Variants in USP24 observed in about 807,000 individuals in gnomAD.
USP24 encodes the protein ubiquitin specific peptidase 24, also known as ubiquitin carboxyl-terminal hydrolase 24.
In USP24, 97 loss-of-function variants were observed where a neutral mutation model predicts 361.6. The ratio of observed to expected loss-of-function variants is 0.27; its 90% confidence interval spans 0.23 to 0.32. The LOEUF (loss-of-function observed/expected upper bound fraction) is 0.32, where lower values mean the gene tolerates loss of function less well. Among genes scored for constraint, USP24 ranks in the 10% least tolerant of loss-of-function variants. The probability of loss-of-function intolerance (pLI) is 1.00; values close to 1 mark genes in which losing one functional copy is unlikely to be tolerated. For missense variants in USP24, 2,353 were observed against 3,165.6 expected, an observed-to-expected ratio of 0.74 and a Z score of 6.16; for synonymous variants, 1,098 against 1,124.6, an observed-to-expected ratio of 0.98 and a Z score of 0.47.
chr1:55,198,153 AT>A (rs35785163), intron 1 of USP24, among the ~76,000 whole-genome samples: 126,063 of 150,798 alleles, frequency 0.84, 55,076 homozygotes, highest in Middle Eastern at 0.97. Context: ...ATTAAAAATA[AT>A]TTTTTTTTTT....
Position 55,094,140 on chromosome 1 carries a change from G to GTATAAAGTGGCT in USP24, c.6204-54_6204-53insAGCCACTTTATA, listed in dbSNP as rs1570385658. The stretch of plus-strand genomic sequence containing the variant: ...CTAGTATAAAGTGGCTATTTTTTCA[G>GTATAAAGTGGCT]TAGTTACTAAGACTTGCCAAATTCA... On this transcript the variant is annotated intron_variant, in intron 51 of 67. Transcript: ENST00000294383. 49 of 1,545,402 alleles carry GTATAAAGTGGCT rather than the reference G, an allele frequency of 3.2e-5. No individual in the cohort carries two copies. The East Asian group carries it at 1.1e-3, about 35-fold the overall frequency.
intron 1 of USP24, among the ~76,000 whole-genome samples, chr1:55,178,484 C>T (rs767510871): frequency 2.2e-4 from 33 of 151,800 alleles, no homozygotes; most frequent in Non-Finnish European, 3.2e-4. Context: ...GTGGCTAACA[C>T]GGTGAAACCC....
intron 38 of USP24, among the ~76,000 whole-genome samples, chr1:55,111,615 T>A (rs1217040149): frequency 6.6e-6 from 1 of 152,142 alleles, no homozygotes; most frequent in Non-Finnish European, 1.5e-5. Flanking sequence ...TTAATTCACA[T>A]GTTTACTGGG....
chr1:55,085,190 G>A (rs1378826317), intron 56 of USP24, among the ~76,000 whole-genome samples: 2 of 152,028 alleles, frequency 1.3e-5, no homozygotes, highest in Non-Finnish European at 2.9e-5. Flanking sequence ...CAGTCTTTGA[G>A]GACCTTCCTA....
intron 54 of USP24, among the ~76,000 whole-genome samples, chr1:55,090,866 C>A (rs1231078771): frequency 3.3e-5 from 5 of 152,218 alleles, no homozygotes; most frequent in African/African-American, 1.2e-4. Flanking sequence ...AGGCGAATCA[C>A]CTGAGGCTGG....
chr1:55,162,550 A>G (rs1648401741), intron 7 of USP24, among the ~76,000 whole-genome samples: 1 of 152,188 alleles, frequency 6.6e-6, no homozygotes, highest in Non-Finnish European at 1.5e-5. Context: ...GTAGAATACT[A>G]TACATTTTTT....
intron 32 of USP24, among the ~76,000 whole-genome samples, chr1:55,126,329 G>A (rs575565462): frequency 2.0e-5 from 3 of 152,132 alleles, no homozygotes; most frequent in Non-Finnish European, 4.4e-5. Context: ...TCTCCTTCAG[G>A]TCTTTGCTAG....
At chr1:55,175,107 C>T (rs929429181) in intron 3 of USP24, among the ~76,000 whole-genome samples, 1 of 150,310 alleles carries the variant, frequency 6.7e-6, no homozygotes, top group African/African-American at 2.4e-5. Context: ...ACTTTTGCTT[C>T]TAAAATTAAT....
chr1:55,168,746 ATATGGCTT>A (rs1413945268), intron 5 of USP24, among the ~76,000 whole-genome samples: 16 of 152,212 alleles, frequency 1.1e-4, no homozygotes, highest in African/African-American at 3.6e-4. Flanking sequence ...AATTGCCCTC[ATATGGCTT>A]TACTGCTCAA....
At chr1:55,091,525 A>G (rs1252950684) in intron 54 of USP24, among the ~76,000 whole-genome samples, 2 of 152,164 alleles carry the variant, frequency 1.3e-5, no homozygotes, top group African/African-American at 2.4e-5. Context: ...ACACAGCCCA[A>G]ACTCCCTGCT....
intron 31 of USP24, 41 bp from the exon 32 acceptor site, chr1:55,129,615 C>A (rs1318057232): frequency 1.3e-6 from 2 of 1,533,744 alleles, no homozygotes; most frequent in East Asian, 2.3e-5. Context: ...CACACATTTT[C>A]AGCAGAAATT....
intron 1 of USP24, 113 bp downstream of exon 1, chr1:55,214,677 A>C: frequency 1.1e-6 from 1 of 915,206 alleles, no homozygotes; most frequent in Non-Finnish European, 1.4e-6. Flanking sequence ...CGCCCCCACT[A>C]AAGCCCCAGT....
chr1:55,095,532 A>C, intron 50 of USP24, 136 bp from the exon 51 acceptor site: 1 of 948,110 alleles, frequency 1.1e-6, no homozygotes, highest in South Asian at 1.8e-5. Context: ...TATAAGTAAA[A>C]TGTGAGTGTC....
chr1:55,075,643 A>G, intron 62 of USP24, 120 bp from the exon 63 acceptor site: 1 of 485,854 alleles, frequency 2.1e-6, no homozygotes, highest in South Asian at 2.2e-5. Context: ...CAACAACAAC[A>G]ACAACAACAA....
At chr1:55,097,443 C>T (rs148019843) in intron 48 of USP24, among the ~76,000 whole-genome samples, 155 bp downstream of exon 48, 423 of 152,100 alleles carry the variant, frequency 2.8e-3, no homozygotes, top group Middle Eastern at 0.01. Context: ...CTGCCTATTC[C>T]GGTAACAGCA....
chr1:55,129,645 C>T, intron 31 of USP24, 71 bp from the exon 32 acceptor site: 1 of 1,232,770 alleles, frequency 8.1e-7, no homozygotes, highest in South Asian at 1.3e-5. Flanking sequence ...CTAAATAAAA[C>T]ATTCAGACAA....
intron 1 of USP24, among the ~76,000 whole-genome samples, chr1:55,201,260 G>C (rs1031792928): frequency 2.7e-4 from 41 of 152,260 alleles, no homozygotes; most frequent in Admixed American, 2.7e-3. Context: ...CCTGTGTCAA[G>C]TGTTTCCTGG....
Position 55,103,861 on chromosome 1 carries a change from G to C in USP24, c.5025+15C>G. 6.2e-7 allele frequency: 1 copy of C among 1,602,078 alleles called. No individual in the cohort carries two copies. On this transcript the variant is annotated intron_variant, in intron 42 of 67. Transcript: ENST00000294383. ...TTCTAAAAAAATTAAGTTCATCAAC[G>C]TCTAGAAAACCTACATCAAACTCCT... is the stretch of plus-strand genomic sequence containing the variant.
At position 55,069,127 on chromosome 1, in the gene USP24, G is replaced by A. The variant is rs1464318206; in HGVS notation, c.7801-20C>T. On this transcript the variant is annotated intron_variant, in intron 67 of 67. Transcript: ENST00000294383. ...TGAACCCTGCAGAAAAGAAAAGGAA[G>A]TTAAAGTTCATACGGTTAGAGAAAA... 1.9e-6 allele frequency: 3 copies of A among 1,613,648 alleles called. No individual in the cohort carries two copies.
Sources: allele counts gnomAD v4.1 joint callset (sites outside exome capture counted in the v4.1 genomes callset), GRCh38; gene constraint gnomAD v4.1.1; transcripts MANE v1.5; gene names NCBI Gene and HGNC (gene_info 2026-07-23, HGNC 2026-07-21).